MARCHF3: variants seen among roughly 807,000 people sequenced by gnomAD.
The protein encoded by MARCHF3 is membrane associated ring-CH-type finger 3.
In MARCHF3, 13 loss-of-function variants were observed where a neutral mutation model predicts 24.2. The ratio of observed to expected loss-of-function variants is 0.54; its 90% CI spans 0.35 to 0.85. MARCHF3 has a LOEUF of 0.85. Among genes scored for constraint, MARCHF3 ranks in the 40% least tolerant of loss-of-function variants. MARCHF3 has a pLI of 0.01. For synonymous variants in MARCHF3, 144 were observed against 137.3 expected (o/e 1.05, Z -0.34); for missense variants, 276 against 325.0 (o/e 0.85, Z 1.16).
chr5:126,918,179 G>C lies in MARCHF3; in HGVS notation c.-8C>G. The stretch of plus-strand genomic sequence containing the variant: ...GCAGCGGCTGGTTGTCATGGTAACA[G>C]ACAGCAATTACTCTGCTAATGGCTT... On this transcript the variant is annotated 5_prime_UTR_variant, in exon 2 of 5. Coordinates refer to ENST00000308660, the MANE Select transcript of MARCHF3 (RefSeq NM_178450.5). The C allele has an allele frequency of 6.2e-7, 1 of 1,611,118 alleles. No homozygotes were observed. Among genetic ancestry groups the C allele is most frequent in the Non-Finnish European group, 8.5e-7 (1 of 1,178,874 alleles).
chr5:126,916,692 G>GACAC (rs34090036), intron 2 of MARCHF3, among the ~76,000 whole-genome samples: 11,514 of 130,350 alleles, frequency 0.088, 616 homozygotes, highest in Non-Finnish European at 0.1. Context: ...CAGACAGACA[G>GACAC]ACACACACAC....
chr5:127,001,200 T>C (rs1018817800), intron 1 of MARCHF3, among the ~76,000 whole-genome samples: 1 of 151,030 alleles, frequency 6.6e-6, no homozygotes, highest in African/African-American at 2.4e-5. Flanking sequence ...ATTGTGCCAC[T>C]GCACTCCAGC....
At chr5:126,933,308 A>T (rs1268998639) in intron 1 of MARCHF3, among the ~76,000 whole-genome samples, 1 of 152,194 alleles carries the variant, frequency 6.6e-6, no homozygotes, top group Non-Finnish European at 1.5e-5. Context: ...GCATATATAC[A>T]CAAACAAAGC....
intron 1 of MARCHF3, among the ~76,000 whole-genome samples, chr5:126,928,897 T>G (rs1749388230): frequency 6.6e-6 from 1 of 152,216 alleles, no homozygotes; most frequent in Non-Finnish European, 1.5e-5. Flanking sequence ...AGTATGAATT[T>G]CTAAAAATAT....
At chr5:126,876,925 C>T (rs916453677) in intron 4 of MARCHF3, among the ~76,000 whole-genome samples, 1 of 152,198 alleles carries the variant, frequency 6.6e-6, no homozygotes, top group Non-Finnish European at 1.5e-5. Flanking sequence ...GCTGGGATTA[C>T]AGGCATGAGC....
At chr5:126,993,860 T>C (rs545229475) in intron 1 of MARCHF3, among the ~76,000 whole-genome samples, 1 of 152,316 alleles carries the variant, frequency 6.6e-6, no homozygotes, top group South Asian at 2.1e-4. Context: ...TGAAATAATA[T>C]ACAATGGTAT....
rs143453783 is a variant in MARCHF3, at chr5:126,878,171, C to T, written c.603+14G>A. 5.0e-6 allele frequency: 8 copies of T among 1,612,496 alleles called. No homozygotes were observed. Among genetic ancestry groups the T allele is most frequent in the South Asian group, 2.2e-5 (2 of 90,970 alleles). On this transcript the variant is annotated intron_variant, in intron 4 of 4. Transcript: ENST00000308660. The stretch of plus-strand genomic sequence containing the variant: ...CTCCAAATGGCCTGAACCCCAGCCA[C>T]GGCCCATACTTACTAGTGTCCAAAA...
intron 1 of MARCHF3, among the ~76,000 whole-genome samples, chr5:126,995,171 A>G (rs1247186891): frequency 6.6e-6 from 1 of 152,198 alleles, no homozygotes. Context: ...AATCTAATCA[A>G]GTTGACACTC....
intron 1 of MARCHF3, among the ~76,000 whole-genome samples, chr5:126,938,422 C>T (rs1749718554): frequency 6.6e-6 from 1 of 151,946 alleles, no homozygotes; most frequent in African/African-American, 2.4e-5. Context: ...CCCACCTCGG[C>T]CTCCCAGAGT....
chr5:126,900,456 G>A (rs559836124), intron 3 of MARCHF3, among the ~76,000 whole-genome samples: 5 of 152,142 alleles, frequency 3.3e-5, no homozygotes, highest in South Asian at 2.1e-4. Context: ...AGCTCTTCCC[G>A]TCTACCATGT....
chr5:126,937,562 A>G (rs947582022), intron 1 of MARCHF3, among the ~76,000 whole-genome samples: 15 of 152,212 alleles, frequency 9.9e-5, no homozygotes, highest in African/African-American at 3.4e-4. Flanking sequence ...TGGTGGGTGT[A>G]GTCACCTGTT....
intron 1 of MARCHF3, among the ~76,000 whole-genome samples, chr5:126,987,304 T>C (rs1467161796): frequency 1.3e-5 from 2 of 152,216 alleles, no homozygotes; most frequent in African/African-American, 2.4e-5. Context: ...AGGGTGTACT[T>C]AAACATTTGA....
At position 126,914,977 on chromosome 5, in the gene MARCHF3, A is replaced by T. The variant is rs1754672031; in HGVS notation, c.346T>A (p.Cys116Ser). The T allele has an allele frequency of 6.2e-7, 1 of 1,614,104 alleles. No homozygotes were observed. ...CGCTCGACTGCAAACCTGAAGTGGCAGAGTTCACAGTAGCTGGTGTTTGAG... is the reference window on the plus strand; with the variant it reads ...CGCTCGACTGCAAACCTGAAGTGGCTGAGTTCACAGTAGCTGGTGTTTGAG... ...SSSNTSYCEL[C>S]HFRFAVERKP... Residue 116 changes from cysteine (C) to serine (S), a missense_variant, in exon 3 of 5, where the codon TGC becomes AGC. By Grantham distance (112) the Cys-to-Ser change is moderately radical. Coordinates refer to ENST00000308660, the MANE Select transcript of MARCHF3 (RefSeq NM_178450.5).
intron 1 of MARCHF3, among the ~76,000 whole-genome samples, chr5:126,998,264 C>T (rs1038467565): frequency 2.0e-5 from 3 of 152,194 alleles, no homozygotes; most frequent in African/African-American, 7.2e-5. Context: ...CAGGAATCAG[C>T]CAGGACCATC....
chr5:126,961,073 AATAAG>A (rs1350530484), intron 1 of MARCHF3, among the ~76,000 whole-genome samples: 2 of 152,128 alleles, frequency 1.3e-5, no homozygotes, highest in Non-Finnish European at 2.9e-5. Flanking sequence ...TAGTACAGAT[AATAAG>A]ATGAGGTGTT....
intron 1 of MARCHF3, among the ~76,000 whole-genome samples, chr5:127,010,102 T>C (rs1429973680): frequency 6.6e-6 from 1 of 151,992 alleles, no homozygotes; most frequent in South Asian, 2.1e-4. Flanking sequence ...CCACTCAGGG[T>C]TCTGAGTGGG....
At chr5:126,997,120 A>T (rs558799513) in intron 1 of MARCHF3, among the ~76,000 whole-genome samples, 19 of 152,236 alleles carry the variant, frequency 1.2e-4, no homozygotes, top group Non-Finnish European at 2.4e-4. Context: ...GTATGAGGAC[A>T]AGCAACTACT....
intron 4 of MARCHF3, among the ~76,000 whole-genome samples, 180 bp from the exon 5 acceptor site, chr5:126,870,971 C>T (rs1752946832): frequency 6.6e-6 from 1 of 152,192 alleles, no homozygotes; most frequent in Non-Finnish European, 1.5e-5. Flanking sequence ...TGGGCACCAG[C>T]CAAAGAGCAC....
intron 3 of MARCHF3, among the ~76,000 whole-genome samples, chr5:126,892,931 C>G (rs373283370): frequency 0.011 from 1,580 of 149,130 alleles, 21 homozygotes; most frequent in South Asian, 0.063. Flanking sequence ...GACTCTTTTT[C>G]GTTGGTAAGC....
Sources: allele counts gnomAD v4.1 joint callset (sites outside exome capture counted in the v4.1 genomes callset), GRCh38; gene constraint gnomAD v4.1.1; transcripts MANE v1.5; gene names NCBI Gene and HGNC (gene_info 2026-07-23, HGNC 2026-07-21).